The following AFF3 variants were observed in gnomAD, a reference collection of about 807,000 sequenced individuals.
AFF3 encodes the protein ALF transcription elongation factor 3, also known as AF4/FMR2 family member 3.
In AFF3, 32 loss-of-function variants were observed where a neutral mutation model predicts 129.7. The observed-to-expected ratio is 0.25, with a 90% CI of 0.19 to 0.33. AFF3 has a LOEUF of 0.33. AFF3 is among the 10% of genes least tolerant of loss of function. The probability of loss-of-function intolerance (pLI) is 1.00; values close to 1 mark genes in which losing one functional copy is unlikely to be tolerated. For synonymous variants in AFF3, 644 were observed against 635.4 expected, an observed-to-expected ratio of 1.01 and a Z score of -0.20; for missense variants, 1,373 against 1,592.0, an observed-to-expected ratio of 0.86 and a Z score of 2.34.
intron 12 of AFF3, among the ~76,000 whole-genome samples, chr2:99,660,866 T>C (rs1182317805): frequency 1.3e-5 from 2 of 152,216 alleles, no homozygotes; most frequent in Non-Finnish European, 2.9e-5. Context: ...CCAAGGGACC[T>C]TGAATGATCA....
intron 8 of AFF3, among the ~76,000 whole-genome samples, chr2:99,818,771 T>A (rs1259858101): frequency 2.0e-5 from 3 of 152,210 alleles, no homozygotes; most frequent in Non-Finnish European, 4.4e-5. Context: ...TTGTGAATTC[T>A]CAAAATAAAT....
At chr2:99,661,781 G>A (rs941999580) in intron 12 of AFF3, among the ~76,000 whole-genome samples, 5 of 152,114 alleles carry the variant, frequency 3.3e-5, no homozygotes, top group African/African-American at 1.2e-4. Flanking sequence ...TGTTTATAAA[G>A]AGTGGCATGA....
chr2:99,876,998 C>T (rs975452388), intron 7 of AFF3, among the ~76,000 whole-genome samples: 1 of 152,112 alleles, frequency 6.6e-6, no homozygotes, highest in Non-Finnish European at 1.5e-5. Flanking sequence ...TGGAGTGTTG[C>T]TGGACATAAG....
chr2:99,558,253 T>A (rs139308735), intron 22 of AFF3, among the ~76,000 whole-genome samples: 1 of 152,340 alleles, frequency 6.6e-6, no homozygotes, highest in South Asian at 2.1e-4. Flanking sequence ...GAGGAATTTA[T>A]GTTAGCTATA....
chr2:100,010,046 G>T (rs146732660), intron 4 of AFF3, among the ~76,000 whole-genome samples: 1 of 152,090 alleles, frequency 6.6e-6, no homozygotes, highest in Non-Finnish European at 1.5e-5. Context: ...CCAAATCAGC[G>T]ACATGGGGAT....
intron 3 of AFF3, chr2:100,105,283 C>T: frequency 8.5e-7 from 1 of 1,174,370 alleles, no homozygotes; most frequent in Non-Finnish European, 1.1e-6. Flanking sequence ...CCCCGGCCGC[C>T]CAGGCGCGGG....
intron 17 of AFF3, chr2:99,580,951 T>G (rs960074711): frequency 6.6e-6 from 1 of 152,260 alleles, no homozygotes; most frequent in African/African-American, 2.4e-5. Context: ...CTAGGACTAA[T>G]TCAAGCTGCT....
intron 4 of AFF3, among the ~76,000 whole-genome samples, chr2:100,026,638 G>A (rs1467435366): frequency 6.6e-6 from 1 of 151,078 alleles, no homozygotes. Flanking sequence ...GCAAAATCGT[G>A]GAACCAACCC....
chr2:99,899,130 T>C (rs1694184366), intron 7 of AFF3, among the ~76,000 whole-genome samples: 1 of 152,222 alleles, frequency 6.6e-6, no homozygotes, highest in Non-Finnish European at 1.5e-5. Flanking sequence ...ACAAATGGAA[T>C]GCAAAATACT....
At chr2:100,005,712 C>T (rs966390783) in intron 7 of AFF3, among the ~76,000 whole-genome samples, 6 of 152,170 alleles carry the variant, frequency 3.9e-5, no homozygotes, top group South Asian at 2.1e-4. Context: ...CTTTTCTAAA[C>T]GGTGATATGT....
intron 8 of AFF3, among the ~76,000 whole-genome samples, chr2:99,756,455 C>A (rs1682104915): frequency 6.6e-6 from 1 of 152,220 alleles, no homozygotes; most frequent in Admixed American, 6.5e-5. Context: ...AAGGACAGAC[C>A]TGTGGGTGTT....
rs768440923 is a variant in AFF3, at chr2:99,601,538, C to T, written c.1268G>A (p.Ser423Asn). The T allele has an allele frequency of 6.2e-7, 1 of 1,602,612 alleles. No homozygotes were observed. Among genetic ancestry groups the T allele is most frequent in the Non-Finnish European group, 8.5e-7 (1 of 1,176,168 alleles). ...GCTGCTCTCTGAGTCGCTGGAGGAG[C>T]TGCTGCTGCCGCTGCTGCTGCTGCT... ...SSSSSSSGSS[S>N]SSSDSESSSG... The change falls in exon 14 of 25, where the codon AGC (serine) becomes AAC (asparagine). Residue 423 changes from serine to asparagine, a missense_variant. Transcript: ENST00000672756.
At chr2:100,072,237 G>A (rs945349045) in intron 4 of AFF3, among the ~76,000 whole-genome samples, 1 of 152,148 alleles carries the variant, frequency 6.6e-6, no homozygotes, top group Non-Finnish European at 1.5e-5. Flanking sequence ...TCAGATCACC[G>A]GCGGCATTAG....
chr2:99,840,649 A>C (rs1689249327), intron 7 of AFF3, among the ~76,000 whole-genome samples: 1 of 152,138 alleles, frequency 6.6e-6, no homozygotes, highest in South Asian at 2.1e-4. Context: ...ACTTATTACA[A>C]GCTTTCACTC....
intron 8 of AFF3, among the ~76,000 whole-genome samples, chr2:99,794,150 T>G (rs1228623022): frequency 1.3e-5 from 2 of 152,250 alleles, no homozygotes; most frequent in African/African-American, 2.4e-5. Context: ...TTATTGAGAT[T>G]GGTTTTATAC....
intron 22 of AFF3, among the ~76,000 whole-genome samples, chr2:99,555,726 G>A (rs1474678811): frequency 6.6e-6 from 1 of 152,196 alleles, no homozygotes; most frequent in African/African-American, 2.4e-5. Flanking sequence ...TGGTTCTCCA[G>A]AGACAACATG....
rs536892196 is a variant in AFF3, at chr2:100,108,467, C to T, written c.-144-2884G>A. 1.6e-3 allele frequency among the ~76,000 whole-genome samples: 237 copies of T among 152,270 alleles called. 3 individuals are homozygous for T. The highest frequency in any genetic ancestry group is 6.8e-3 in the Middle Eastern group (2 of 294). ...AAACATGGGGCATAGGGACCATCTC[C>T]GCCTTGGGCTCTCTGACAGTATCCT... On this transcript the variant is annotated intron_variant, in intron 2 of 24. Transcript: ENST00000672756.
At chr2:99,607,820 C>T (rs572190512) in intron 13 of AFF3, among the ~76,000 whole-genome samples, 1 of 152,360 alleles carries the variant, frequency 6.6e-6, no homozygotes, top group East Asian at 1.9e-4. Flanking sequence ...TGCTTGATAT[C>T]CAAACCATAA....
At chr2:99,943,122 A>C (rs1675215557) in intron 7 of AFF3, among the ~76,000 whole-genome samples, 1 of 152,196 alleles carries the variant, frequency 6.6e-6, no homozygotes, top group Non-Finnish European at 1.5e-5. Flanking sequence ...CCAGTACCAC[A>C]GTTCAAAAGG....
Sources: gnomAD v4.1 joint callset for allele counts (sites outside exome capture counted in the v4.1 genomes callset) on GRCh38, gnomAD v4.1.1 for gene constraint, MANE v1.5 for transcripts, NCBI Gene and HGNC (gene_info 2026-07-23, HGNC 2026-07-21) for gene names.